The following SGCD variants were observed in gnomAD, a reference collection of about 807,000 sequenced individuals.
SGCD encodes delta-sarcoglycan.
Under a neutral mutation model 36.6 loss-of-function variants are expected in SGCD, and 18 were observed. That is an observed-to-expected ratio of 0.49 (90% CI 0.34 to 0.73). SGCD has a LOEUF of 0.73. Among genes scored for constraint, SGCD ranks in the 30% least tolerant of loss-of-function variants. The probability of loss-of-function intolerance (pLI) is 0.01; values close to 1 mark genes in which losing one functional copy is unlikely to be tolerated. For synonymous variants in SGCD, 133 were observed against 130.6 expected (o/e 1.02, Z -0.12); for missense variants, 387 against 346.7 (o/e 1.12, Z -0.92).
intron 3 of SGCD, among the ~76,000 whole-genome samples, chr5:156,442,435 G>C (rs888815333): frequency 2.0e-5 from 3 of 152,122 alleles, no homozygotes; most frequent in Non-Finnish European, 2.9e-5. Flanking sequence ...TTCAACTGTA[G>C]AGTTAAAAAA....
At chr5:155,748,419 T>G in the SGCD span, among the ~76,000 whole-genome samples, 1 of 152,164 alleles carries the variant, frequency 6.6e-6, no homozygotes, top group East Asian at 1.9e-4. Context: ...CTATCCTACC[T>G]AATCTGACTA....
At chr5:155,896,515 G>A (rs1214472541) in intron 1 of SGCD, among the ~76,000 whole-genome samples, 4 of 151,368 alleles carry the variant, frequency 2.6e-5, no homozygotes, top group Admixed American at 6.6e-5. Flanking sequence ...CCACGATGAT[G>A]TGCGCTTATA....
chr5:156,709,026 T>C (rs1031587623), intron 7 of SGCD, among the ~76,000 whole-genome samples: 5 of 152,176 alleles, frequency 3.3e-5, no homozygotes, highest in Non-Finnish European at 7.4e-5. Flanking sequence ...CCTAGAGTCT[T>C]GCTGAGAGCA....
intron 1 of SGCD, among the ~76,000 whole-genome samples, chr5:155,914,382 C>G (rs1756695232): frequency 6.6e-6 from 1 of 152,140 alleles, no homozygotes; most frequent in Admixed American, 6.5e-5. Flanking sequence ...CTACTATGTG[C>G]CAGGCTCTAG....
chr5:156,184,122 G>T (rs1047099578), intron 3 of SGCD, among the ~76,000 whole-genome samples: 1 of 152,140 alleles, frequency 6.6e-6, no homozygotes, highest in South Asian at 2.1e-4. Context: ...CGTAAAGCCT[G>T]TTTTATAATA....
chr5:156,229,257 C>CAT (rs1177645499), intron 3 of SGCD, among the ~76,000 whole-genome samples: 10 of 32,274 alleles, frequency 3.1e-4, no homozygotes, highest in African/African-American at 1.1e-3. Flanking sequence ...TATATACATA[C>CAT]ATACATATAT....
In SGCD at chr5:156,061,919, CTT is replaced by C. The variant is rs757769130; in HGVS notation, c.-281-55935_-281-55934del. On this transcript the variant is annotated intron_variant, in intron 1 of 9. Transcript: ENST00000517913. Reference sequence around the variant, plus strand: ...TTGGTGATAATTCCAGGAGTTTTCACTTTTTTTTTTTTTTTTTTTTTTTTTAT... The same window carrying C: ...TTGGTGATAATTCCAGGAGTTTTCACTTTTTTTTTTTTTTTTTTTTTTTAT... Among the ~76,000 whole-genome samples, 588 of 71,768 alleles carry C rather than the reference CTT, an allele frequency of 8.2e-3. 19 individuals carry two copies. The highest frequency in any genetic ancestry group is 0.031 in the African/African-American group (520 of 16,650). 47.1% of individuals were successfully genotyped at this position (71,768 alleles called of 152,430 possible). A position where few individuals can be genotyped will look rare whatever the true frequency, so the allele number is the denominator to read the frequency against.
intron 3 of SGCD, among the ~76,000 whole-genome samples, chr5:156,263,602 A>C (rs34067469): frequency 6.6e-5 from 10 of 152,054 alleles, no homozygotes; most frequent in Admixed American, 3.9e-4. Flanking sequence ...AGTTTAATTA[A>C]GTTCCTATTT....
the SGCD span, among the ~76,000 whole-genome samples, chr5:155,861,486 A>G: frequency 2.2e-4 from 33 of 152,062 alleles, no homozygotes; most frequent in African/African-American, 8.0e-4. Context: ...GCGGATCACA[A>G]GGTCACGGTA....
chr5:156,301,295 C>T (rs1767048399), intron 3 of SGCD, among the ~76,000 whole-genome samples: 1 of 151,926 alleles, frequency 6.6e-6, no homozygotes, highest in Non-Finnish European at 1.5e-5. Context: ...ATGAGGCTTG[C>T]ACATAACAAG....
intron 1 of SGCD, among the ~76,000 whole-genome samples, chr5:155,987,618 C>T (rs1758356111): frequency 6.6e-6 from 1 of 152,206 alleles, no homozygotes; most frequent in Non-Finnish European, 1.5e-5. Flanking sequence ...CCTTCACGAT[C>T]TGGCCTTAGC....
At chr5:156,423,367 T>C (rs1335708667) in intron 3 of SGCD, among the ~76,000 whole-genome samples, 1 of 113,088 alleles carries the variant, frequency 8.8e-6, no homozygotes, top group Non-Finnish European at 1.7e-5. Flanking sequence ...TATAATATAT[T>C]ATATTTTATT....
chr5:156,203,293 T>A (rs915986079), intron 3 of SGCD, among the ~76,000 whole-genome samples: 1 of 152,142 alleles, frequency 6.6e-6, no homozygotes, highest in African/African-American at 2.4e-5. Flanking sequence ...GGACTTACAA[T>A]TTAAATTCTT....
At chr5:156,740,809 C>T (rs1044670304) in intron 7 of SGCD, among the ~76,000 whole-genome samples, 1 of 152,196 alleles carries the variant, frequency 6.6e-6, no homozygotes, top group Non-Finnish European at 1.5e-5. Context: ...TTGTGACCCA[C>T]GTTTCAAAAG....
chr5:156,564,850 A>G (rs1581175608), intron 4 of SGCD, among the ~76,000 whole-genome samples: 1 of 152,316 alleles, frequency 6.6e-6, no homozygotes, highest in East Asian at 1.9e-4. Context: ...AAGACTGAAT[A>G]ATATTCCTTT....
intron 3 of SGCD, among the ~76,000 whole-genome samples, chr5:156,395,804 C>T (rs1301785184): frequency 6.6e-6 from 1 of 152,156 alleles, no homozygotes; most frequent in East Asian, 1.9e-4. Flanking sequence ...CGACCCTGCC[C>T]TACAGGGATA....
intron 1 of SGCD, among the ~76,000 whole-genome samples, chr5:156,011,840 G>T (rs1758867453): frequency 6.6e-6 from 1 of 152,120 alleles, no homozygotes. Context: ...GATGCTTTGG[G>T]CAGACTAGGA....
intron 2 of SGCD, among the ~76,000 whole-genome samples, chr5:156,338,604 TTGA>T (rs1342216588): frequency 9.9e-5 from 15 of 152,196 alleles, no homozygotes; most frequent in African/African-American, 3.1e-4. Flanking sequence ...ACTTATCACT[TTGA>T]AGCTCACGTA....
chr5:156,749,772 A>AT (rs1187622450), intron 7 of SGCD, among the ~76,000 whole-genome samples: 4 of 152,110 alleles, frequency 2.6e-5, no homozygotes, highest in African/African-American at 7.2e-5. Flanking sequence ...GGCTGTAATT[A>AT]TTTTTTGGTG....
Sources: allele counts gnomAD v4.1 joint callset (sites outside exome capture counted in the v4.1 genomes callset), GRCh38; gene constraint gnomAD v4.1.1; transcripts MANE v1.5; gene names NCBI Gene and HGNC (gene_info 2026-07-23, HGNC 2026-07-21).